The following ASAP2 variants were observed in gnomAD, a reference collection of about 807,000 sequenced individuals.
ASAP2 encodes ArfGAP with SH3 domain, ankyrin repeat and PH domain 2.
Under a neutral mutation model 131.4 loss-of-function variants are expected in ASAP2, and 45 were observed. The observed-to-expected ratio is 0.34, with a 90% CI of 0.27 to 0.44. The LOEUF (loss-of-function observed/expected upper bound fraction) is 0.44, where lower values mean the gene tolerates loss of function less well. ASAP2 is among the 20% of genes least tolerant of loss of function. The pLI is 1.00. For synonymous variants in ASAP2, 510 were observed against 503.0 expected, an observed-to-expected ratio of 1.01 and a Z score of -0.19; for missense variants, 1,011 against 1,297.0, an observed-to-expected ratio of 0.78 and a Z score of 3.39.
At chr2:9,237,235 T>C (rs1405366580) in intron 1 of ASAP2, among the ~76,000 whole-genome samples, 1 of 152,222 alleles carries the variant, frequency 6.6e-6, no homozygotes, top group African/African-American at 2.4e-5. Flanking sequence ...TTCTGACTTT[T>C]GCTTTTCAAA....
At chr2:9,302,280 C>A (rs1333596615) in intron 3 of ASAP2, among the ~76,000 whole-genome samples, 2 of 151,016 alleles carry the variant, frequency 1.3e-5, no homozygotes, top group African/African-American at 4.9e-5. Context: ...TCAAGCGATC[C>A]TTCTGCCTCA....
intron 1 of ASAP2, among the ~76,000 whole-genome samples, chr2:9,267,027 T>A (rs2148232488): frequency 6.6e-6 from 1 of 152,366 alleles, no homozygotes; most frequent in Admixed American, 6.5e-5. Flanking sequence ...TCTGGTTCTT[T>A]CGCCAACTCT....
At chr2:9,235,169 G>T (rs983574419) in intron 1 of ASAP2, among the ~76,000 whole-genome samples, 13 of 152,178 alleles carry the variant, frequency 8.5e-5, no homozygotes, top group African/African-American at 3.1e-4. Context: ...GCTACAGAGT[G>T]ACTAATGGTA....
intron 9 of ASAP2, among the ~76,000 whole-genome samples, chr2:9,338,014 C>T (rs1366700651): frequency 6.6e-6 from 1 of 152,218 alleles, no homozygotes; most frequent in Non-Finnish European, 1.5e-5. Context: ...GTTGGCACTG[C>T]TCATCTTTGG....
rs546356376 is a variant in ASAP2 at position 9,404,337 on chromosome 2, T to A, written c.*1010T>A. The stretch of plus-strand genomic sequence containing the variant: ...TCTTGAAATTGAATCTGTCCATCTG[T>A]TTATAATCAAGAACATATCAGAAAT... On this transcript the variant is annotated 3_prime_UTR_variant, in exon 28 of 28. Coordinates refer to ENST00000281419, the MANE Select transcript of ASAP2 (RefSeq NM_003887.3). The A allele has an allele frequency of 7.2e-5, 11 of 152,336 alleles. No homozygotes were observed. Among genetic ancestry groups the A allele is most frequent in the South Asian group, 2.1e-4 (1 of 4,826 alleles). The allele number at this position is 152,336 out of a possible 1,614,324, so 9.4% of individuals were successfully genotyped here.
intron 12 of ASAP2, among the ~76,000 whole-genome samples, chr2:9,352,588 A>G (rs898319777): frequency 6.6e-6 from 1 of 152,144 alleles, no homozygotes; most frequent in African/African-American, 2.4e-5. Context: ...CCCAGCCTCC[A>G]CCTTTTTACA....
chr2:9,317,117 A>ATCACTCACATCCACATTCACACAC (rs139485860), intron 3 of ASAP2, among the ~76,000 whole-genome samples: 40,848 of 100,844 alleles, frequency 0.41, 6,171 homozygotes, highest in Non-Finnish European at 0.49. Flanking sequence ...ACCCCACGCA[A>ATCACTCACATCCACATTCACACAC]TCACAACCAC....
chr2:9,296,298 C>T (rs1431511855), intron 2 of ASAP2, among the ~76,000 whole-genome samples: 2 of 152,238 alleles, frequency 1.3e-5, no homozygotes, highest in Admixed American at 1.3e-4. Flanking sequence ...TATTCAACCA[C>T]ATTAATTTAC....
intron 25 of ASAP2, 64 bp from the exon 26 acceptor site, chr2:9,400,678 A>T (rs868801667): frequency 1.4e-6 from 2 of 1,426,178 alleles, no homozygotes; most frequent in East Asian, 2.3e-5. Flanking sequence ...TGGCTTGTAC[A>T]TTGTTTACAT....
At chr2:9,318,482 A>G (rs1405587395) in intron 3 of ASAP2, 42 bp from the exon 4 acceptor site, 3 of 1,447,902 alleles carry the variant, frequency 2.1e-6, no homozygotes, top group South Asian at 1.2e-5. Context: ...TTAGATTCAC[A>G]AGGAAGCTGA....
intron 2 of ASAP2, among the ~76,000 whole-genome samples, chr2:9,284,038 G>A (rs1572350025): frequency 6.6e-6 from 1 of 152,124 alleles, no homozygotes; most frequent in South Asian, 2.1e-4. Context: ...CTACATATAA[G>A]GACCCTTGTG....
chr2:9,244,471 C>T (rs751880396), intron 1 of ASAP2, among the ~76,000 whole-genome samples: 4 of 152,316 alleles, frequency 2.6e-5, no homozygotes, highest in East Asian at 1.9e-4. Context: ...TTGAGTTTCA[C>T]GGTGTGAACA....
At chr2:9,222,598 G>C (rs1387107747) in intron 1 of ASAP2, among the ~76,000 whole-genome samples, 1 of 152,150 alleles carries the variant, frequency 6.6e-6, no homozygotes, top group East Asian at 1.9e-4. Flanking sequence ...AAATTCTCTT[G>C]TTTTTGTTTT....
chr2:9,323,571 C>T (rs1358802033), intron 6 of ASAP2, among the ~76,000 whole-genome samples: 1 of 152,158 alleles, frequency 6.6e-6, no homozygotes, highest in Non-Finnish European at 1.5e-5. Flanking sequence ...CTCTGAGTTC[C>T]CTTGTACCAA....
In ASAP2 at chr2:9,207,453, C is replaced by T. The variant is rs764838749; in HGVS notation, c.126+223C>T. On this transcript the variant is annotated intron_variant, in intron 1 of 27. Transcript: ENST00000281419. The surrounding 1 kb of genome is among the most constrained non-coding windows in gnomAD (Gnocchi z 4.1). The stretch of plus-strand genomic sequence containing the variant: ...TTTAAGACCTCCCCTCTCTCGGCCT[C>T]GTGGCCCTCGCGGGGTTCCGCGGCC... 1.2e-4 allele frequency among the ~76,000 whole-genome samples: 19 copies of T among 152,256 alleles called. No homozygotes were observed. Among genetic ancestry groups the T allele is most frequent in the Non-Finnish European group, 2.2e-4 (15 of 67,988 alleles).
intron 20 of ASAP2, among the ~76,000 whole-genome samples, chr2:9,381,938 G>C (rs976217320): frequency 6.6e-6 from 1 of 151,488 alleles, no homozygotes; most frequent in Non-Finnish European, 1.5e-5. Flanking sequence ...ATAAGTAACA[G>C]GTCCTCTTTC....
intron 15 of ASAP2, among the ~76,000 whole-genome samples, chr2:9,360,245 C>G (rs1450711682): frequency 6.6e-6 from 1 of 152,128 alleles, no homozygotes; most frequent in Non-Finnish European, 1.5e-5. Context: ...TTTTGCAGGC[C>G]ACTTTATATA....
At chr2:9,246,192 C>T (rs150517325) in intron 1 of ASAP2, among the ~76,000 whole-genome samples, 294 of 152,314 alleles carry the variant, frequency 1.9e-3, no homozygotes, top group African/African-American at 6.8e-3. Flanking sequence ...CAAACCCGTA[C>T]TCCTTAGACA....
chr2:9,332,253 G>T (rs999043109), intron 7 of ASAP2, among the ~76,000 whole-genome samples: 2 of 152,166 alleles, frequency 1.3e-5, no homozygotes, highest in African/African-American at 4.8e-5. Flanking sequence ...CTGGGGCTAT[G>T]TAGTTAGGAC....
Sources: allele counts gnomAD v4.1 joint callset (sites outside exome capture counted in the v4.1 genomes callset), GRCh38; gene constraint gnomAD v4.1.1; non-coding constraint Gnocchi (gnomAD v3.1); transcripts MANE v1.5; gene names NCBI Gene and HGNC (gene_info 2026-07-23, HGNC 2026-07-21).